ABI1: variants seen among roughly 807,000 people sequenced by gnomAD.
ABI1 encodes the protein abl interactor 1, also known as Abelson interactor 1.
Under a neutral mutation model 54.6 loss-of-function variants are expected in ABI1, and 14 were observed. That is an observed-to-expected ratio of 0.26 (90% CI 0.17 to 0.40). ABI1 has a LOEUF of 0.40. ABI1 is among the 10% of genes least tolerant of loss of function. The pLI is 1.00. For synonymous variants in ABI1, 194 were observed against 209.3 expected, an observed-to-expected ratio of 0.93 and a Z score of 0.63; for missense variants, 443 against 598.3, an observed-to-expected ratio of 0.74 and a Z score of 2.71.
intron 1 of ABI1, among the ~76,000 whole-genome samples, chr10:26,838,961 C>T (rs997567269): frequency 6.6e-6 from 1 of 152,110 alleles, no homozygotes; most frequent in African/African-American, 2.4e-5. Context: ...TATGATGAAC[C>T]ACTCCAAGTC....
chr10:26,823,459 T>A (rs1175124482), intron 1 of ABI1, among the ~76,000 whole-genome samples, 154 bp from the exon 2 acceptor site: 3 of 152,130 alleles, frequency 2.0e-5, no homozygotes, highest in Non-Finnish European at 4.4e-5. Context: ...ACTACTGAAT[T>A]AAGCCATGGC....
chr10:26,816,968 A>G (rs1447852934), intron 2 of ABI1, among the ~76,000 whole-genome samples: 1 of 144,006 alleles, frequency 6.9e-6, no homozygotes, highest in East Asian at 2.0e-4. Context: ...ATTTTTCCTA[A>G]GTAATTTTGC....
chr10:26,796,293 T>C (rs751537239), intron 2 of ABI1, among the ~76,000 whole-genome samples: 14 of 152,326 alleles, frequency 9.2e-5, no homozygotes, highest in Admixed American at 2.0e-4. Flanking sequence ...ACATAACATT[T>C]TGGTCAACAA....
intron 1 of ABI1, among the ~76,000 whole-genome samples, chr10:26,848,597 A>C (rs1019401982): frequency 1.4e-5 from 2 of 146,580 alleles, no homozygotes; most frequent in African/African-American, 2.6e-5. Context: ...ATGCAATATA[A>C]GAAGAGGCTT....
chr10:26,815,749 C>A (rs1307354893), intron 2 of ABI1, among the ~76,000 whole-genome samples: 1 of 152,040 alleles, frequency 6.6e-6, no homozygotes, highest in East Asian at 1.9e-4. Flanking sequence ...CTCTACCTCA[C>A]CACCCAAAAA....
intron 1 of ABI1, among the ~76,000 whole-genome samples, chr10:26,834,462 A>G (rs1345445692): frequency 6.6e-6 from 1 of 151,928 alleles, no homozygotes; most frequent in African/African-American, 2.4e-5. Context: ...ATATATAAGG[A>G]GCTCATACAA....
At chr10:26,756,634 C>T (rs913404069) in intron 8 of ABI1, among the ~76,000 whole-genome samples, 2 of 152,084 alleles carry the variant, frequency 1.3e-5, no homozygotes, top group Non-Finnish European at 2.9e-5. Flanking sequence ...AAAATTATAA[C>T]ATACACTAGA....
At chr10:26,845,973 T>C (rs1197809046) in intron 1 of ABI1, among the ~76,000 whole-genome samples, 1 of 151,602 alleles carries the variant, frequency 6.6e-6, no homozygotes, top group Admixed American at 6.6e-5. Context: ...TGAAACCCCG[T>C]CTCTACAAAA....
chr10:26,788,507 C>T (rs1842983843), intron 2 of ABI1, among the ~76,000 whole-genome samples: 1 of 152,152 alleles, frequency 6.6e-6, no homozygotes, highest in Admixed American at 6.5e-5. Context: ...GAATGTAACA[C>T]ATTATGTATT....
At chr10:26,846,338 TTTTC>T (rs2049974304) in intron 1 of ABI1, among the ~76,000 whole-genome samples, 1 of 136,462 alleles carries the variant, frequency 7.3e-6, no homozygotes, top group Non-Finnish European at 1.5e-5. Flanking sequence ...TTTCTTTCTC[TTTTC>T]TTTTTTTTTT....
intron 3 of ABI1, among the ~76,000 whole-genome samples, chr10:26,773,820 G>T (rs868830012): frequency 1.3e-5 from 2 of 152,084 alleles, no homozygotes; most frequent in African/African-American, 2.4e-5. Flanking sequence ...TTGCTTTCTT[G>T]AACTTCTACC....
At chr10:26,789,358 T>C (rs1040527760) in intron 2 of ABI1, among the ~76,000 whole-genome samples, 26 of 152,294 alleles carry the variant, frequency 1.7e-4, no homozygotes, top group African/African-American at 5.1e-4. Context: ...AAAATGAACA[T>C]GTACAGGGGG....
chr10:26,787,457 G>A (rs1350224228), intron 2 of ABI1, among the ~76,000 whole-genome samples: 1 of 151,934 alleles, frequency 6.6e-6, no homozygotes, highest in Admixed American at 6.6e-5. Context: ...TTCAGGACAC[G>A]ATTTCAAATT....
intron 9 of ABI1, among the ~76,000 whole-genome samples, chr10:26,753,235 G>T (rs942213410): frequency 3.3e-5 from 5 of 152,000 alleles, no homozygotes; most frequent in African/African-American, 1.2e-4. Context: ...TATCAAACGG[G>T]TCTACAATTA....
rs150483861 is a variant in ABI1 at position 26,803,332 on chromosome 10, A to G, written c.285+19806T>C. Among the ~76,000 whole-genome samples, 229 of 152,304 alleles carry G rather than the reference A, an allele frequency of 1.5e-3. 1 individual carries two copies. The highest frequency in any genetic ancestry group is 5.3e-3 in the African/African-American group (219 of 41,572). Reference sequence around the variant, plus strand: ...GGCTAAAGGCAAAGTTTAAGAATTGACATGACCTCATCTGACAGAAATGGG... The same window carrying G: ...GGCTAAAGGCAAAGTTTAAGAATTGGCATGACCTCATCTGACAGAAATGGG... On this transcript the variant is annotated intron_variant, in intron 2 of 10. Coordinates refer to ENST00000376140, the MANE Select transcript of ABI1 (RefSeq NM_001012750.3).
chr10:26,830,969 T>C (rs1173123242), intron 1 of ABI1, among the ~76,000 whole-genome samples: 1 of 152,160 alleles, frequency 6.6e-6, no homozygotes, highest in Non-Finnish European at 1.5e-5. Context: ...CGATCATAGT[T>C]CACTGCAGCC....
chr10:26,778,940 A>G (rs1047004546), intron 2 of ABI1, among the ~76,000 whole-genome samples: 14 of 152,136 alleles, frequency 9.2e-5, no homozygotes, highest in African/African-American at 3.4e-4. Flanking sequence ...GCAGTACCCT[A>G]TGGAAACTGG....
intron 1 of ABI1, among the ~76,000 whole-genome samples, chr10:26,846,090 T>C (rs928614975): frequency 2.0e-5 from 3 of 150,038 alleles, no homozygotes; most frequent in Non-Finnish European, 3.0e-5. Flanking sequence ...TGCAGTGAGC[T>C]GAGATCACAC....
At position 26,860,632 on chromosome 10, in the gene ABI1, C is replaced by A. The variant is rs1589117328; in HGVS notation, c.117+115G>T. 8.7e-6 allele frequency: 7 copies of A among 807,244 alleles called. No individual in the cohort carries two copies. The highest frequency in any genetic ancestry group is 4.9e-5 in the East Asian group (2 of 40,806). The allele number at this position is 807,244 out of a possible 1,614,324, so 50.0% of individuals were successfully genotyped here. A position where few individuals can be genotyped will look rare whatever the true frequency, so the allele number is the denominator to read the frequency against. On this transcript the variant is annotated intron_variant, in intron 1 of 10. Coordinates refer to ENST00000376140, the MANE Select transcript of ABI1 (RefSeq NM_001012750.3). This position sits in a 1 kb window ranked among gnomAD's most constrained non-coding sequence, Gnocchi z 4.1. ...GCTGGGGTTGGGGCTGCGGTAGGGG[C>A]TCGGGTTGGTGGCAGCCGCTGAGGT... is the stretch of plus-strand genomic sequence containing the variant.
Sources: allele counts gnomAD v4.1 joint callset (sites outside exome capture counted in the v4.1 genomes callset), GRCh38; gene constraint gnomAD v4.1.1; non-coding constraint Gnocchi (gnomAD v3.1); transcripts MANE v1.5; gene names NCBI Gene and HGNC (gene_info 2026-07-23, HGNC 2026-07-21).